Variants in SLC1A6 observed in about 807,000 individuals in gnomAD.
SLC1A6 encodes excitatory amino acid transporter 4.
SLC1A6 carries 15 observed loss-of-function variants against 42.1 expected under a neutral mutation model. The observed-to-expected ratio is 0.36, with a 90% CI of 0.24 to 0.55. The LOEUF (loss-of-function observed/expected upper bound fraction) is 0.55. Ranked by LOEUF, SLC1A6 falls within the 20% of genes least tolerant of loss-of-function variation. The probability of loss-of-function intolerance (pLI) is 0.88; values close to 1 mark genes in which losing one functional copy is unlikely to be tolerated. For synonymous variants in SLC1A6, 317 were observed against 319.7 expected (o/e 0.99, Z 0.09); for missense variants, 542 against 772.5 (o/e 0.70, Z 3.54).
intron 1 of SLC1A6, among the ~76,000 whole-genome samples, chr19:15,008,654 A>G (rs1275261502): frequency 2.0e-5 from 3 of 152,160 alleles, no homozygotes; most frequent in Admixed American, 6.5e-5. Context: ...TATGGAATCA[A>G]CTTATGTGTC....
Position 14,985,038 on chromosome 19 carries a change from T to C in SLC1A6, c.7-12121A>G, listed in dbSNP as rs375769463. Among the ~76,000 whole-genome samples, 14 of 152,182 alleles carry C rather than the reference T, an allele frequency of 9.2e-5. No homozygotes were observed. The East Asian group carries it at 2.3e-3, about 25-fold the overall frequency. ...CTGGGATTACAGGTGCGTGCCACCA[T>C]GCCTGGCTAATTTTTGTATTTTTAG... On this transcript the variant is annotated intron_variant, in intron 1 of 8. Transcript: ENST00000430939.
At chr19:14,993,339 G>A (rs769392340) in intron 1 of SLC1A6, among the ~76,000 whole-genome samples, 7 of 152,038 alleles carry the variant, frequency 4.6e-5, no homozygotes, top group Non-Finnish European at 7.4e-5. Context: ...TTCTGGGGGG[G>A]TGAAAGCTGT....
chr19:14,981,055 C>T (rs1266805008), upstream of SLC1A6, among the ~76,000 whole-genome samples: 1 of 151,772 alleles, frequency 6.6e-6, no homozygotes, highest in Non-Finnish European at 1.5e-5. Context: ...CACATTGGGA[C>T]GCCAAGGAGA....
chr19:14,964,249 C>G (rs1206844985), intron 5 of SLC1A6, 70 bp downstream of exon 5: 2 of 1,334,586 alleles, frequency 1.5e-6, no homozygotes, highest in Admixed American at 3.4e-5. Flanking sequence ...TGCCCTTGGA[C>G]CATCCCTTCA....
chr19:14,989,152 C>T (rs923698210), intron 1 of SLC1A6, among the ~76,000 whole-genome samples: 1 of 152,146 alleles, frequency 6.6e-6, no homozygotes, highest in African/African-American at 2.4e-5. Flanking sequence ...GAGACACTAC[C>T]TGTTAGGTAC....
Position 14,950,214 on chromosome 19 carries a change from C to T in SLC1A6, c.1676G>A (p.Gly559Asp), listed in dbSNP as rs1198302284. The change falls in exon 10 of 10, where the codon GGC (glycine) becomes GAC (aspartate). Residue 559 changes from glycine (G) to aspartate (D), a missense_variant. Gly to Asp is a moderately conservative substitution (Grantham distance 94). Around this residue, in one of 6 missense-constraint regions of SLC1A6, gnomAD observed 73 missense variants for 85.2 expected, o/e 0.86. Coordinates refer to ENST00000594383, the MANE Select transcript of SLC1A6 (RefSeq NM_005071.3). Reference protein sequence around the residue: ...QEKGASRGRGGNESAM With the variant: ...QEKGASRGRGDNESAM The stretch of plus-strand genomic sequence containing the variant: ...GGCCCCTCACATAGCACTCTCGTTG[C>T]CTCCCCGTCCCCGGGATGCCCCCTT... 4 of 1,579,522 alleles carry T rather than the reference C, an allele frequency of 2.5e-6. No homozygotes were observed. Among genetic ancestry groups the T allele is most frequent in the Admixed American group, 3.5e-5 (2 of 57,714 alleles).
intron 1 of SLC1A6, among the ~76,000 whole-genome samples, chr19:15,010,015 TAA>T (rs58210057): frequency 0.012 from 1,741 of 146,554 alleles, 38 homozygotes; most frequent in African/African-American, 0.041. Context: ...CCGTCTCTAC[TAA>T]AAAAAAAAAA....
chr19:14,967,749 T>C (rs1045411442), intron 4 of SLC1A6, among the ~76,000 whole-genome samples: 2 of 152,150 alleles, frequency 1.3e-5, no homozygotes, highest in African/African-American at 4.8e-5. Context: ...ATAAGCAATA[T>C]TAAAATAATT....
chr19:14,971,509 G>A (rs1479464373), intron 3 of SLC1A6, among the ~76,000 whole-genome samples: 2 of 152,152 alleles, frequency 1.3e-5, no homozygotes, highest in African/African-American at 4.8e-5. Context: ...CAAGGAAAAG[G>A]ACAGGAAGCC....
At chr19:14,978,832 G>A (rs1057331039) in intron 1 of SLC1A6, among the ~76,000 whole-genome samples, 1 of 151,686 alleles carries the variant, frequency 6.6e-6, no homozygotes, top group African/African-American at 2.4e-5. Flanking sequence ...ACACACCTTC[G>A]TGGCTCTGCA....
intron 1 of SLC1A6, among the ~76,000 whole-genome samples, chr19:14,988,947 A>C (rs1237193290): frequency 6.6e-6 from 1 of 152,162 alleles, no homozygotes; most frequent in Non-Finnish European, 1.5e-5. Context: ...TGAACTGAGG[A>C]GCTCAAGGCT....
intron 1 of SLC1A6, among the ~76,000 whole-genome samples, chr19:14,989,264 T>A (rs192615601): frequency 2.2e-4 from 33 of 152,278 alleles, no homozygotes; most frequent in African/African-American, 7.0e-4. Context: ...AAATCTATTT[T>A]AAAAAAAATT....
intron 1 of SLC1A6, among the ~76,000 whole-genome samples, chr19:14,986,059 T>C (rs949787239): frequency 6.6e-6 from 1 of 150,896 alleles, no homozygotes; most frequent in African/African-American, 2.4e-5. Flanking sequence ...TGAAAAAAAG[T>C]AGCTGGTTCA....
At chr19:15,001,748 C>A (rs1200893628) in intron 1 of SLC1A6, among the ~76,000 whole-genome samples, 1 of 151,822 alleles carries the variant, frequency 6.6e-6, no homozygotes, top group Non-Finnish European at 1.5e-5. Context: ...GCAGCCTCGA[C>A]CTCCCTTGGC....
At chr19:15,007,291 G>A (rs961476414) in intron 1 of SLC1A6, among the ~76,000 whole-genome samples, 2 of 152,148 alleles carry the variant, frequency 1.3e-5, no homozygotes, top group Admixed American at 1.3e-4. Flanking sequence ...GATACAAAAG[G>A]CCACATAGTG....
At chr19:15,002,498 T>C (rs1014741805) in intron 1 of SLC1A6, among the ~76,000 whole-genome samples, 12 of 152,282 alleles carry the variant, frequency 7.9e-5, no homozygotes, top group Non-Finnish European at 1.0e-4. Context: ...GAAGCCATGA[T>C]CGCTTTGTAA....
rs966191865 is a variant in SLC1A6, at chr19:14,961,951, T to A, written c.935+51A>T. On this transcript the variant is annotated intron_variant, in intron 6 of 9. Coordinates refer to ENST00000594383, the MANE Select transcript of SLC1A6 (RefSeq NM_005071.3). ...GCCCTTCGGCAGCTTCCCCACAGCC[T>A]GACTTCCCAGCTCTGGCTCCACCAT... The A allele has an allele frequency of 1.0e-5, 16 of 1,551,194 alleles. No individual in the cohort carries two copies. In the African/African-American group the frequency reaches 2.2e-4, roughly 21 times the overall value.
At chr19:14,952,805 C>G in intron 9 of SLC1A6, 123 bp downstream of exon 9, 1 of 1,284,484 alleles carries the variant, frequency 7.8e-7, no homozygotes, top group Middle Eastern at 2.1e-4. Context: ...GCCTCCTTTT[C>G]ACTTGAAAAT....
At chr19:14,997,437 T>C (rs2045852383) in intron 1 of SLC1A6, among the ~76,000 whole-genome samples, 1 of 152,128 alleles carries the variant, frequency 6.6e-6, no homozygotes, top group Non-Finnish European at 1.5e-5. Flanking sequence ...TTTGGCAAAA[T>C]AAACTTCCTA....
Sources: gnomAD v4.1 joint callset for allele counts (sites outside exome capture counted in the v4.1 genomes callset) on GRCh38, gnomAD v4.1.1 for gene constraint, gnomAD v4.1.1 regional missense constraint, MANE v1.5 for transcripts, NCBI Gene and HGNC (gene_info 2026-07-23, HGNC 2026-07-21) for gene names.